KNOP1: variants seen among roughly 807,000 people sequenced by gnomAD.
The protein encoded by KNOP1 is lysine rich nucleolar protein 1.
In KNOP1, 20 loss-of-function variants were observed where a neutral mutation model predicts 30.6. That is an observed-to-expected ratio of 0.65 (90% CI 0.46 to 0.95). The LOEUF is 0.95. KNOP1 is among the 40% of genes least tolerant of loss of function. The pLI is 0.00. For missense variants in KNOP1, 540 were observed against 562.0 expected, an observed-to-expected ratio of 0.96 and a Z score of 0.40; for synonymous variants, 204 against 210.0, an observed-to-expected ratio of 0.97 and a Z score of 0.25.
chr16:19,717,679 C>T (rs558361615), intron 1 of KNOP1: 3 of 986,308 alleles, frequency 3.0e-6, no homozygotes, highest in South Asian at 9.4e-5. Context: ...TCTCCAAAAC[C>T]GCTTTTAAAT....
Position 19,714,503 on chromosome 16 carries a change from C to T in KNOP1, c.533G>A (p.Arg178Lys). ...CACTGAGCAAGTGTCCCCAACATCC[C>T]TGGCCTCCCTGGCCTCACAGAACCA... ...DPWFCEAREARDVGDTCSVGK... is the reference protein window; with the variant it reads ...DPWFCEAREAKDVGDTCSVGK... Residue 178 changes from arginine to lysine, a missense_variant, in exon 2 of 5, where the codon AGG becomes AAG. Transcript: ENST00000219837. 1 of 1,614,092 alleles carries T rather than the reference C, an allele frequency of 6.2e-7. No homozygotes were observed. Among genetic ancestry groups the T allele is most frequent in the Non-Finnish European group, 8.5e-7 (1 of 1,179,980 alleles).
Position 19,704,086 on chromosome 16 carries a change from T to TTTTG in KNOP1, c.*2820_*2823dup, listed in dbSNP as rs1036647541. 1 of 152,182 alleles carries TTTTG rather than the reference T, an allele frequency of 6.6e-6. No individual in the cohort carries two copies. The highest frequency in any genetic ancestry group is 2.4e-5 in the African/African-American group (1 of 41,408). 9.4% of individuals were successfully genotyped at this position (152,182 alleles called of 1,614,324 possible). ...CCACAATCACCCAAAGACAGTTTTT[T>TTTTG]TTTGTTTGTTTTTGAGACAGAGTCT... On this transcript the variant is annotated 3_prime_UTR_variant, in exon 5 of 5. Transcript: ENST00000219837.
At chr16:19,707,270 T>C in intron 4 of KNOP1, 49 bp from the exon 5 acceptor site, 1 of 1,525,052 alleles carries the variant, frequency 6.6e-7, no homozygotes, top group Non-Finnish European at 9.0e-7. Flanking sequence ...TCAAAGCCCT[T>C]TCCTTCCCTT....
At chr16:19,715,081 T>A in intron 1 of KNOP1, 44 bp from the exon 2 acceptor site, 2 of 1,408,888 alleles carry the variant, frequency 1.4e-6, no homozygotes, top group Non-Finnish European at 1.9e-6. Flanking sequence ...CAAGCCATCC[T>A]GTGTTCAATT....
intron 3 of KNOP1, among the ~76,000 whole-genome samples, chr16:19,711,076 C>A (rs1367939192): frequency 6.6e-6 from 1 of 152,274 alleles, no homozygotes; most frequent in Non-Finnish European, 1.5e-5. Context: ...GCATGTGTCA[C>A]CTGCCCAGCT....
chr16:19,710,696 C>G, intron 3 of KNOP1, 110 bp from the exon 4 acceptor site: 1 of 799,708 alleles, frequency 1.3e-6, no homozygotes, highest in Admixed American at 1.9e-5. Flanking sequence ...GGAACTAACA[C>G]AGCTTGACTC....
Position 19,710,488 on chromosome 16 carries a change from G to A in KNOP1, c.1065+21C>T, listed in dbSNP as rs1188722639. The A allele has an allele frequency of 1.9e-6, 3 of 1,612,970 alleles. No individual in the cohort carries two copies. The South Asian group carries it at 3.3e-5, about 18-fold the overall frequency. On this transcript the variant is annotated intron_variant, in intron 4 of 4. Transcript: ENST00000219837. Reference sequence around the variant, plus strand: ...AGGCCGAGCGTGCCACCTCCTCGCAGAGCCCTAGCCCCAAACTTACCGTCC... The same window carrying A: ...AGGCCGAGCGTGCCACCTCCTCGCAAAGCCCTAGCCCCAAACTTACCGTCC...
At chr16:19,716,409 T>C (rs1185591019) in intron 1 of KNOP1, 1 of 152,322 alleles carries the variant, frequency 6.6e-6, no homozygotes, top group Non-Finnish European at 1.5e-5. Flanking sequence ...GAACCTGTCC[T>C]ACCAGTTGTC....
rs186713810 is a variant in KNOP1 at position 19,703,500 on chromosome 16, G to C, written c.*3410C>G. 1.3e-5 allele frequency: 2 copies of C among 152,116 alleles called. No individual in the cohort carries two copies. Among genetic ancestry groups the C allele is most frequent in the East Asian group, 3.9e-4 (2 of 5,180 alleles). 9.4% of individuals were successfully genotyped at this position (152,116 alleles called of 1,614,324 possible). The stretch of plus-strand genomic sequence containing the variant: ...CTAACAAATACACAGGTTCTGAGGA[G>C]ATGTGGTAGGAAGGGGTGTTATTCT... On this transcript the variant is annotated 3_prime_UTR_variant, in exon 5 of 5. Coordinates refer to ENST00000219837, the MANE Select transcript of KNOP1 (RefSeq NM_001012991.3).
rs1032319214 is a variant in KNOP1 at position 19,706,990 on chromosome 16, C to T, written c.1297G>A (p.Gly433Ser). The T allele has an allele frequency of 1.7e-5, 27 of 1,613,772 alleles. No homozygotes were observed. The highest frequency in any genetic ancestry group is 2.1e-5 in the Non-Finnish European group (25 of 1,180,044). Residue 433 changes from glycine to serine, a missense_variant, in exon 5 of 5, where the codon GGC becomes AGC. Physicochemically the swap from Gly to Ser is moderately conservative, Grantham distance 56. Coordinates refer to ENST00000219837, the MANE Select transcript of KNOP1 (RefSeq NM_001012991.3). ...AMSWKYSRGAGLGFSTAPNKI... is the reference protein window; with the variant it reads ...AMSWKYSRGASLGFSTAPNKI... ...TTGGGGGCGGTGGAGAAGCCGAGGC[C>T]GGCTCCCCGGCTGTACTTCCAGCTC...
At chr16:19,707,265 G>A (rs1289722927) in intron 4 of KNOP1, 44 bp from the exon 5 acceptor site, 4 of 1,551,666 alleles carry the variant, frequency 2.6e-6, no homozygotes, top group Non-Finnish European at 3.5e-6. Flanking sequence ...TGAGTTCAAA[G>A]CCCTTTCCTT....
At position 19,706,876 on chromosome 16, in the gene KNOP1, T is replaced by A. The variant is rs761710354; in HGVS notation, c.*34A>T. ...AGCATAAATGGAATAATCAAAGCAATTGTGGCAGTTTTGGGGGGACAAAAC... is the reference window on the plus strand; with the variant it reads ...AGCATAAATGGAATAATCAAAGCAAATGTGGCAGTTTTGGGGGGACAAAAC... On this transcript the variant is annotated 3_prime_UTR_variant, in exon 5 of 5. Coordinates refer to ENST00000219837, the MANE Select transcript of KNOP1 (RefSeq NM_001012991.3). The A allele has an allele frequency of 4.4e-6, 7 of 1,593,612 alleles. No individual in the cohort carries two copies. In the Admixed American group the frequency reaches 1.1e-4, roughly 25 times the overall value.
chr16:19,717,931 C>T, intron 1 of KNOP1: 1 of 1,161,850 alleles, frequency 8.6e-7, no homozygotes. Flanking sequence ...CCCAAGCCTC[C>T]GCATCAACAG....
Position 19,702,373 on chromosome 16 carries a change from C to T in KNOP1, c.*4537G>A, listed in dbSNP as rs1976196620. On this transcript the variant is annotated 3_prime_UTR_variant, in exon 5 of 5. Transcript: ENST00000219837. ...AATTGGCAAATTCACAAATTATGTT[C>T]TTCAAGTCATTTCTTCTCCTCTGAG... 6.6e-6 allele frequency: 1 copy of T among 152,236 alleles called. No homozygotes were observed. Among genetic ancestry groups the T allele is most frequent in the African/African-American group, 2.4e-5 (1 of 41,468 alleles). 9.4% of individuals were successfully genotyped at this position (152,236 alleles called of 1,614,324 possible).
chr16:19,711,558 A>G (rs2151649345), intron 2 of KNOP1, 118 bp from the exon 3 acceptor site: 1 of 883,512 alleles, frequency 1.1e-6, no homozygotes, highest in South Asian at 1.4e-5. Context: ...CCACGGCATC[A>G]CCCCCAGCCC....
rs901058334 is a variant in KNOP1, at chr16:19,703,262, A to G, written c.*3648T>C. The G allele has an allele frequency of 2.0e-5, 3 of 152,144 alleles. No homozygotes were observed. The highest frequency in any genetic ancestry group is 6.6e-5 in the Admixed American group (1 of 15,262). 9.4% of individuals were successfully genotyped at this position (152,144 alleles called of 1,614,324 possible). A position where few individuals can be genotyped will look rare whatever the true frequency, so the allele number is the denominator to read the frequency against. On this transcript the variant is annotated 3_prime_UTR_variant, in exon 5 of 5. Coordinates refer to ENST00000219837, the MANE Select transcript of KNOP1 (RefSeq NM_001012991.3). ...TTTCCAGCTTCTAGACAGCACACAC[A>G]TTCCTTGGCTTCTGACCCTTCCCTT...
In KNOP1 at chr16:19,704,800, AC is replaced by A; in HGVS notation, c.*2109del. On this transcript the variant is annotated 3_prime_UTR_variant, in exon 5 of 5. Coordinates refer to ENST00000219837, the MANE Select transcript of KNOP1 (RefSeq NM_001012991.3). ...CAGGAAAGAAAGGCAGGACAAGTTC[AC>A]GTCCTGAGGGAAGTGGCCCAAGTAG... 1 of 170,294 alleles carries A rather than the reference AC, an allele frequency of 5.9e-6. No individual in the cohort carries two copies. The highest frequency in any genetic ancestry group is 1.7e-4 in the East Asian group (1 of 5,746). 10.5% of individuals were successfully genotyped at this position (170,294 alleles called of 1,614,324 possible). A position where few individuals can be genotyped will look rare whatever the true frequency, so the allele number is the denominator to read the frequency against.
In KNOP1 at chr16:19,708,317, TCCAGACCC is replaced by T. The variant is rs368003070; in HGVS notation, c.1066-1104_1066-1097del. On this transcript the variant is annotated intron_variant, in intron 4 of 4. Transcript: ENST00000219837. Reference sequence around the variant, plus strand: ...TGTGCAAGAAAATGCAGGAGAGCCCTCCAGACCCCCTTCTCCCAGGTCGGTGGGAGAGG... The same window carrying T: ...TGTGCAAGAAAATGCAGGAGAGCCCTCCTTCTCCCAGGTCGGTGGGAGAGG... Among the ~76,000 whole-genome samples, 609 of 151,814 alleles carry T rather than the reference TCCAGACCC, an allele frequency of 4.0e-3. 4 individuals are homozygous for T. Among genetic ancestry groups the T allele is most frequent in the African/African-American group, 0.014 (561 of 41,382 alleles).
At chr16:19,716,797 G>T (rs1977127480) in intron 1 of KNOP1, among the ~76,000 whole-genome samples, 1 of 152,190 alleles carries the variant, frequency 6.6e-6, no homozygotes, top group African/African-American at 2.4e-5. Context: ...GTATACTGTT[G>T]TAATTGTTCT....
Sources: allele counts gnomAD v4.1 joint callset (sites outside exome capture counted in the v4.1 genomes callset), GRCh38; gene constraint gnomAD v4.1.1; transcripts MANE v1.5; gene names NCBI Gene and HGNC (gene_info 2026-07-23, HGNC 2026-07-21).